ACP7: variants seen among roughly 807,000 people sequenced by gnomAD.
ACP7 encodes acid phosphatase 7, tartrate resistant (putative), also known as acid phosphatase type 7.
A neutral mutation model predicts 60.6 loss-of-function variants in ACP7; 58 were observed. That is an observed-to-expected ratio of 0.96 (90% CI 0.77 to 1.19). The LOEUF (loss-of-function observed/expected upper bound fraction) is 1.19. Among genes scored for constraint, ACP7 ranks in the 50% most tolerant of loss-of-function variants. The pLI is 0.00. For synonymous variants in ACP7, 237 were observed against 232.6 expected (o/e 1.02, Z -0.17); for missense variants, 574 against 596.2 (o/e 0.96, Z 0.39).
Position 39,099,115 on chromosome 19 carries a change from G to C in ACP7, c.478G>C (p.Gly160Arg). The C allele has an allele frequency of 7.0e-6, 11 of 1,577,820 alleles. No individual in the cohort carries two copies. In the South Asian group the frequency reaches 8.1e-5, roughly 12 times the overall value. The change falls in exon 4 of 13, where the codon GGC becomes CGC. Residue 160 changes from glycine to arginine, a missense_variant. Gly to Arg is a moderately radical substitution (Grantham distance 125). Coordinates refer to ENST00000331256, the MANE Select transcript of ACP7 (RefSeq NM_001004318.3). ...VPRLRRDTQQ[G>R]MYDAVLHVGD... ...CCGGCTGCGCAGGGACACCCAGCAG[G>C]GCATGTATGACGCCGTTCTCCATGT...
chr19:39,105,101 T>C (rs560430929), intron 11 of ACP7, among the ~76,000 whole-genome samples: 2 of 151,812 alleles, frequency 1.3e-5, no homozygotes, highest in Admixed American at 1.3e-4. Flanking sequence ...CCACAACCTC[T>C]GCCTCCCAGG....
chr19:39,086,412 T>G (rs1166350438), intron 2 of ACP7, among the ~76,000 whole-genome samples: 1 of 152,104 alleles, frequency 6.6e-6, no homozygotes, highest in Non-Finnish European at 1.5e-5. Flanking sequence ...GGTGGATCAC[T>G]TGACCTCAGG....
rs692024 is a variant in ACP7 at position 39,110,241 on chromosome 19, A to C, written c.*123A>C. On this transcript the variant is annotated 3_prime_UTR_variant, in exon 13 of 13. Coordinates refer to ENST00000331256, the MANE Select transcript of ACP7 (RefSeq NM_001004318.3). ...GACTCCCCTGCCCTCCAGAGGCCCCATGTAGGGTACATGCAGCCCTATGGA... is the reference window on the plus strand; with the variant it reads ...GACTCCCCTGCCCTCCAGAGGCCCCCTGTAGGGTACATGCAGCCCTATGGA... The C allele has an allele frequency of 7.6e-3, 6,758 of 890,608 alleles. 310 individuals are homozygous for C. The African/African-American group carries it at 0.1, about 13-fold the overall frequency. The allele number at this position is 890,608 out of a possible 1,614,324, so 55.2% of individuals were successfully genotyped here. A position where few individuals can be genotyped will look rare whatever the true frequency, so the allele number is the denominator to read the frequency against.
At chr19:39,109,861 T>A (rs914759426) in intron 12 of ACP7, among the ~76,000 whole-genome samples, 192 bp from the exon 13 acceptor site, 1 of 152,048 alleles carries the variant, frequency 6.6e-6, no homozygotes, top group African/African-American at 2.4e-5. Flanking sequence ...TCCCACAACA[T>A]CTATGATGTG....
Position 39,101,043 on chromosome 19 carries a change from G to A in ACP7, c.902G>A (p.Arg301Gln), listed in dbSNP as rs770475104. 14 of 1,613,908 alleles carry A rather than the reference G, an allele frequency of 8.7e-6. No homozygotes were observed. The highest frequency in any genetic ancestry group is 2.2e-5 in the South Asian group (2 of 91,086). The change falls in exon 8 of 13, where the codon CGA (arginine) becomes CAA (glutamine). Residue 301 changes from arginine (R) to glutamine (Q), a missense_variant. Transcript: ENST00000331256. ...CSNADLDDCT[R>Q]HESKVRKGLQ... The stretch of plus-strand genomic sequence containing the variant: ...AACGCAGATCTGGACGACTGCACAC[G>A]ACATGAAAGCAAGGTGAGGTCCCTC...
chr19:39,100,452 A>G (rs1004702186), intron 5 of ACP7, 102 bp downstream of exon 5: 2 of 1,600,760 alleles, frequency 1.2e-6, no homozygotes, highest in African/African-American at 1.3e-5. Flanking sequence ...CAACATTTCA[A>G]TTGTGGTAGC....
At chr19:39,087,914 G>A (rs747822964) in intron 2 of ACP7, among the ~76,000 whole-genome samples, 1 of 152,022 alleles carries the variant, frequency 6.6e-6, no homozygotes, top group Non-Finnish European at 1.5e-5. Context: ...GATTACAGGC[G>A]TGAGCCACCG....
chr19:39,101,427 G>A (rs1434490217), intron 10 of ACP7, 39 bp from the exon 11 acceptor site: 15 of 1,613,422 alleles, frequency 9.3e-6, no homozygotes, highest in Middle Eastern at 1.6e-4. Context: ...GCATGGCCTC[G>A]AGTGACTGCC....
In ACP7 at chr19:39,092,771, C is replaced by CTTTTTTT. The variant is rs67888880; in HGVS notation, c.122-5669_122-5663dup. 4.4e-4 allele frequency among the ~76,000 whole-genome samples: 51 copies of CTTTTTTT among 114,650 alleles called. 1 individual carries two copies. The highest frequency in any genetic ancestry group is 5.3e-4 in the Admixed American group (5 of 9,410). 75.2% of individuals were successfully genotyped at this position (114,650 alleles called of 152,430 possible). A position where few individuals can be genotyped will look rare whatever the true frequency, so the allele number is the denominator to read the frequency against. ...ATCCCTACTACTCTTTCCCATTCCT[C>CTTTTTTT]TTTTTTTTTTTTTTTTTTTTTTTTG... is the stretch of plus-strand genomic sequence containing the variant. On this transcript the variant is annotated intron_variant, in intron 2 of 12. Transcript: ENST00000331256.
intron 3 of ACP7, 94 bp downstream of exon 3, chr19:39,098,752 G>T (rs1465290769): frequency 1.4e-6 from 2 of 1,409,584 alleles, no homozygotes; most frequent in Non-Finnish European, 1.9e-6. Flanking sequence ...CTCAGGCTGG[G>T]CTGGTAACTC....
In ACP7 at chr19:39,106,996, G is replaced by A; in HGVS notation, c.1163G>A (p.Ser388Asn). The A allele has an allele frequency of 1.2e-6, 2 of 1,614,100 alleles. No individual in the cohort carries two copies. Among genetic ancestry groups the A allele is most frequent in the South Asian group, 1.1e-5 (1 of 91,080 alleles). The change falls in exon 12 of 13, where the codon AGT (serine) becomes AAT (asparagine). Residue 388 changes from serine (S) to asparagine (N), a missense_variant. Ser to Asn is a conservative substitution (Grantham distance 46). Transcript: ENST00000331256. ...TTTGCTGTCTTCCCGAGGCCCTGGA[G>A]TGCCGTGCGTGTGAAGGAGTACGGG... ...TPFAVFPRPWSAVRVKEYGYT... is the reference protein window; with the variant it reads ...TPFAVFPRPWNAVRVKEYGYT...
chr19:39,095,690 C>T lies in ACP7; in HGVS notation c.122-2768C>T, dbSNP rs549840125. Among the ~76,000 whole-genome samples, 54 of 152,330 alleles carry T rather than the reference C, an allele frequency of 3.5e-4. 1 individual carries two copies. The highest frequency in any genetic ancestry group is 1.2e-3 in the African/African-American group (51 of 41,574). ...CCAGTAGGGACTCTGTGTGGGGGCTCCAGCCCCACATTTCCCTTCTGCACT... is the reference window on the plus strand; with the variant it reads ...CCAGTAGGGACTCTGTGTGGGGGCTTCAGCCCCACATTTCCCTTCTGCACT... On this transcript the variant is annotated intron_variant, in intron 2 of 12. Coordinates refer to ENST00000331256, the MANE Select transcript of ACP7 (RefSeq NM_001004318.3).
chr19:39,100,829 T>C lies in ACP7; in HGVS notation c.783T>C (p.Phe261=). The change falls in exon 7 of 13, where the codon TTT becomes TTC. Residue 261 remains phenylalanine (F), a synonymous_variant. Coordinates refer to ENST00000331256, the MANE Select transcript of ACP7 (RefSeq NM_001004318.3). The stretch of plus-strand genomic sequence containing the variant: ...GCCGCCACTTGGTACAGAGGCAGTT[T>C]CGCTGGCTGGAGAGCGACCTCCAGG... ...HYGRHLVQRQ[F]RWLESDLQKA... is the part of the protein sequence containing the mutation. The C allele has an allele frequency of 6.2e-7, 1 of 1,613,938 alleles. No homozygotes were observed. The highest frequency in any genetic ancestry group is 8.5e-7 in the Non-Finnish European group (1 of 1,179,996).
At chr19:39,095,540 C>A (rs959946473) in intron 2 of ACP7, among the ~76,000 whole-genome samples, 2 of 152,260 alleles carry the variant, frequency 1.3e-5, no homozygotes, top group Non-Finnish European at 2.9e-5. Context: ...CTCCTGGCTG[C>A]TTTCACAGGC....
Position 39,110,205 on chromosome 19 carries a change from G to A in ACP7, c.*87G>A. The A allele has an allele frequency of 1.5e-6, 2 of 1,310,314 alleles. No homozygotes were observed. Among genetic ancestry groups the A allele is most frequent in the East Asian group, 2.3e-5 (1 of 43,422 alleles). 81.2% of individuals were successfully genotyped at this position (1,310,314 alleles called of 1,614,324 possible). ...ACTGCCCAGGCCTGGGTGGGGAGTT[G>A]GGTGGGCCCTGACTCCCCTGCCCTC... On this transcript the variant is annotated 3_prime_UTR_variant, in exon 13 of 13. Transcript: ENST00000331256.
chr19:39,107,090 T>G lies in ACP7; in HGVS notation c.1251+6T>G. 6.2e-7 allele frequency: 1 copy of G among 1,613,558 alleles called. No individual in the cohort carries two copies. Among genetic ancestry groups the G allele is most frequent in the South Asian group, 1.1e-5 (1 of 91,030 alleles). ...AGCAGGTGTCGGACGACCAGGTCAGTGAGGGGCAGGCCGAAGTCACCTGAC... is the reference window on the plus strand; with the variant it reads ...AGCAGGTGTCGGACGACCAGGTCAGGGAGGGGCAGGCCGAAGTCACCTGAC... On this transcript the variant is annotated splice_donor_region_variant and intron_variant, in intron 12 of 12. Transcript: ENST00000331256.
chr19:39,100,316 T>A lies in ACP7; in HGVS notation c.595T>A (p.Tyr199Asn), dbSNP rs550353623. ...LIEPVAASLP[Y>N]MTCPGNHEER... is the part of the protein sequence containing the mutation. ...TGAACCCGTGGCTGCCAGCCTGCCG[T>A]ACATGACATGCCCTGGGAATCATGA... is the stretch of plus-strand genomic sequence containing the variant. The change falls in exon 5 of 13, where the codon TAC becomes AAC. Residue 199 changes from tyrosine (Y) to asparagine (N), a missense_variant. Transcript: ENST00000331256. 1 of 1,614,058 alleles carries A rather than the reference T, an allele frequency of 6.2e-7. No homozygotes were observed. Among genetic ancestry groups the A allele is most frequent in the East Asian group, 2.2e-5 (1 of 44,878 alleles).
In ACP7 at chr19:39,100,616, G is replaced by C. The variant is rs748296522; in HGVS notation, c.666G>C (p.Pro222=). 3 of 1,613,952 alleles carry C rather than the reference G, an allele frequency of 1.9e-6. No homozygotes were observed. The highest frequency in any genetic ancestry group is 2.5e-6 in the Non-Finnish European group (3 of 1,179,948). The part of the protein sequence containing the change: ...FSNYKARFSM[P]GDNEGLWYSW... The stretch of plus-strand genomic sequence containing the variant: ...ACTACAAGGCTCGCTTCAGCATGCC[G>C]GGGGATAATGAGGGCCTGTGGTACA... Residue 222 remains proline (P), a synonymous_variant, in exon 6 of 13, where the codon CCG becomes CCC. Coordinates refer to ENST00000331256, the MANE Select transcript of ACP7 (RefSeq NM_001004318.3).
chr19:39,098,871 C>A, intron 3 of ACP7, 89 bp from the exon 4 acceptor site: 4 of 1,421,916 alleles, frequency 2.8e-6, no homozygotes, highest in Admixed American at 2.0e-5. Context: ...CCCCCCATCT[C>A]CTCCCCTCCA....
Sources: allele counts gnomAD v4.1 joint callset (sites outside exome capture counted in the v4.1 genomes callset), GRCh38; gene constraint gnomAD v4.1.1; transcripts MANE v1.5; gene names NCBI Gene and HGNC (gene_info 2026-07-23, HGNC 2026-07-21).